Variants in SYTL2 observed in about 807,000 individuals in gnomAD.
SYTL2 encodes synaptotagmin-like protein 2.
A neutral mutation model predicts 198.7 loss-of-function variants in SYTL2; 165 were observed. That is an observed-to-expected ratio of 0.83 (90% confidence interval 0.73 to 0.94). The LOEUF (loss-of-function observed/expected upper bound fraction) is 0.94. SYTL2 is among the 40% of genes least tolerant of loss of function. SYTL2 has a pLI of 0.00. For synonymous variants in SYTL2, 966 were observed against 917.7 expected (o/e 1.05, Z -0.95); for missense variants, 2,835 against 2,582.8 (o/e 1.10, Z -2.12).
intron 1 of SYTL2, among the ~76,000 whole-genome samples, chr11:85,782,113 A>C (rs749368610): frequency 1.3e-5 from 2 of 152,234 alleles, no homozygotes; most frequent in Non-Finnish European, 2.9e-5. Context: ...ACTTCTGCCT[A>C]GACATCAGGC....
intron 9 of SYTL2, chr11:85,719,141 G>A (rs1367545357): frequency 1.4e-6 from 2 of 1,419,204 alleles, no homozygotes; most frequent in African/African-American, 2.8e-5. Flanking sequence ...GAAAGCACGG[G>A]GCTGCAACAG....
At chr11:85,825,260 C>A in the SYTL2 span, among the ~76,000 whole-genome samples, 2 of 150,760 alleles carry the variant, frequency 1.3e-5, no homozygotes, top group African/African-American at 4.9e-5. Flanking sequence ...TAGTGGCGGG[C>A]GCCTGTAGTC....
chr11:85,723,977 C>A, intron 8 of SYTL2, 55 bp downstream of exon 8: 3 of 1,027,584 alleles, frequency 2.9e-6, no homozygotes, highest in East Asian at 5.7e-5. Context: ...TCATCCTTTA[C>A]ATCAGCATTC....
the SYTL2 span, among the ~76,000 whole-genome samples, chr11:85,846,462 CTT>C: frequency 2.0e-5 from 3 of 152,138 alleles, no homozygotes; most frequent in African/African-American, 4.8e-5. Context: ...GAGTTTTGCT[CTT>C]GTTACCCAGG....
At chr11:85,751,935 AC>A (rs2091536690) in intron 2 of SYTL2, among the ~76,000 whole-genome samples, 1 of 152,234 alleles carries the variant, frequency 6.6e-6, no homozygotes, top group Non-Finnish European at 1.5e-5. Context: ...AATTCTATCT[AC>A]AGCCCTAACT....
intron 1 of SYTL2, among the ~76,000 whole-genome samples, chr11:85,808,189 C>T (rs1461901986): frequency 1.3e-5 from 2 of 152,058 alleles, no homozygotes; most frequent in Non-Finnish European, 2.9e-5. Context: ...GCCTTAGCCT[C>T]CTGAGCAGCT....
Position 85,753,999 on chromosome 11 carries a change from C to T in SYTL2, c.101+3626G>A, listed in dbSNP as rs150602581. Among the ~76,000 whole-genome samples the T allele has an allele frequency of 1.5e-3, 228 of 152,066 alleles. 1 individual carries two copies. Among genetic ancestry groups the T allele is most frequent in the African/African-American group, 5.1e-3 (212 of 41,490 alleles). ...TCCATTAGTGATGTCCTCTTGGCTA[C>T]GGGAGAGTTATACTCCAAAGTCTAT... On this transcript the variant is annotated intron_variant, in intron 2 of 19. Transcript: ENST00000359152.
intron 16 of SYTL2, among the ~76,000 whole-genome samples, chr11:85,701,670 C>T (rs977797124): frequency 6.6e-6 from 1 of 152,114 alleles, no homozygotes; most frequent in East Asian, 1.9e-4. Context: ...ATTTGAGAAC[C>T]ATTTCTTTAG....
At chr11:85,843,709 A>G in the SYTL2 span, among the ~76,000 whole-genome samples, 2 of 152,356 alleles carry the variant, frequency 1.3e-5, no homozygotes, top group Admixed American at 6.5e-5. Context: ...GCATTCTCAC[A>G]TAACAGTTAA....
At chr11:85,717,222 AG>A (rs967219507) in intron 11 of SYTL2, 4 of 212,258 alleles carry the variant, frequency 1.9e-5, no homozygotes, top group African/African-American at 9.3e-5. Flanking sequence ...GACTGACAAA[AG>A]CACAATAATA....
chr11:85,815,742 C>T (rs541243568), upstream of SYTL2, among the ~76,000 whole-genome samples: 11 of 152,352 alleles, frequency 7.2e-5, no homozygotes, highest in South Asian at 2.1e-3. Context: ...GGATCTACTA[C>T]ACCAGAGGTA....
At chr11:85,773,157 A>G (rs929605785) in intron 1 of SYTL2, among the ~76,000 whole-genome samples, 25 of 152,194 alleles carry the variant, frequency 1.6e-4, no homozygotes, top group South Asian at 6.2e-4. Context: ...CACATCTGCA[A>G]AAACAAGAGG....
chr11:85,707,450 A>G lies in SYTL2; in HGVS notation c.5997T>C (p.Pro1999=), dbSNP rs762087334. 3.1e-6 allele frequency: 5 copies of G among 1,613,772 alleles called. No homozygotes were observed. Among genetic ancestry groups the G allele is most frequent in the East Asian group, 2.2e-5 (1 of 44,866 alleles). Reference sequence around the variant, plus strand: ...ATACCCGCAGTATTTCGTTATACACAGGATTCAAGGTTTTCTTCACTACGA... The same window carrying G: ...ATACCCGCAGTATTTCGTTATACACGGGATTCAAGGTTTTCTTCACTACGA... The part of the protein sequence containing the change: ...KTLVVKKTLN[P]VYNEILRYKI... The change falls in exon 15 of 20, where the codon CCT becomes CCC. Residue 1999 remains proline, a synonymous_variant. Coordinates refer to ENST00000359152, the MANE Select transcript of SYTL2 (RefSeq NM_206927.4).
At chr11:85,811,906 G>T (rs1055188233), upstream of SYTL2, among the ~76,000 whole-genome samples, 1 of 152,154 alleles carries the variant, frequency 6.6e-6, no homozygotes, top group African/African-American at 2.4e-5. Context: ...TTCGGGACCA[G>T]CCCGGCCAAC....
the SYTL2 span, among the ~76,000 whole-genome samples, chr11:85,829,733 C>A: frequency 6.6e-6 from 1 of 152,222 alleles, no homozygotes; most frequent in Admixed American, 6.5e-5. Flanking sequence ...TAATAATTGC[C>A]ATTCTGACTG....
chr11:85,811,872 A>G (rs184360795), upstream of SYTL2, among the ~76,000 whole-genome samples: 581 of 152,262 alleles, frequency 3.8e-3, 1 homozygote, highest in Non-Finnish European at 4.6e-3. Context: ...AGGCCGAGGC[A>G]GGTGGATAAC....
chr11:85,819,428 G>A, the SYTL2 span, among the ~76,000 whole-genome samples: 14 of 152,146 alleles, frequency 9.2e-5, no homozygotes, highest in Admixed American at 2.0e-4. Flanking sequence ...TTCCTTATGC[G>A]GCTGCACTCA....
rs959628695 is a variant in SYTL2 at position 85,798,987 on chromosome 11, T to C, written c.-390+11967A>G. Among the ~76,000 whole-genome samples the C allele has an allele frequency of 9.2e-5, 14 of 152,196 alleles. 1 individual carries two copies. Among genetic ancestry groups the C allele is most frequent in the Admixed American group, 7.2e-4 (11 of 15,284 alleles). ...TCCCTAATGCCAGCCAAAGGCCAAC[T>C]TGCAAGCAGGCCTTTCTATGGACAG... On this transcript the variant is annotated intron_variant, in intron 1 of 19. Transcript: ENST00000359152.
Position 85,725,906 on chromosome 11 carries a change from G to A in SYTL2, c.3452C>T (p.Ser1151Phe). 6.2e-7 allele frequency: 1 copy of A among 1,614,038 alleles called. No individual in the cohort carries two copies. The highest frequency in any genetic ancestry group is 1.3e-5 in the African/African-American group (1 of 75,040). ...SETSTPAIQP[S>F]GGKVHGKQVL... ...TTGTTTTCCATGAACTTTTCCACCA[G>A]AGGGTTGAATTGCTGGTGTTGAGGT... is the stretch of plus-strand genomic sequence containing the variant. The change falls in exon 8 of 20, where the codon TCT becomes TTT. Residue 1151 changes from serine to phenylalanine, a missense_variant. Physicochemically the swap from Ser to Phe is radical, Grantham distance 155 (BLOSUM62 -2). This residue lies in a region of SYTL2 where 2,645 missense variants were observed against 2,381.7 expected (regional missense o/e 1.11). Coordinates refer to ENST00000359152, the MANE Select transcript of SYTL2 (RefSeq NM_206927.4).
Sources: allele counts gnomAD v4.1 joint callset (sites outside exome capture counted in the v4.1 genomes callset), GRCh38; gene constraint gnomAD v4.1.1; regional missense constraint gnomAD v4.1.1; transcripts MANE v1.5; gene names NCBI Gene and HGNC (gene_info 2026-07-23, HGNC 2026-07-21).